The following AIDA variants were observed in gnomAD, a reference collection of about 807,000 sequenced individuals.
AIDA encodes axin interactor, dorsalization-associated protein.
Under a neutral mutation model 42.7 loss-of-function variants are expected in AIDA, and 18 were observed. That is an observed-to-expected ratio of 0.42 (90% CI 0.29 to 0.63). The LOEUF (loss-of-function observed/expected upper bound fraction) is 0.63. Among genes scored for constraint, AIDA ranks in the 20% least tolerant of loss-of-function variants. The pLI, the probability that AIDA is intolerant of heterozygous loss-of-function variation, is 0.19. For missense variants in AIDA, 250 were observed against 354.1 expected, an observed-to-expected ratio of 0.71 and a Z score of 2.36; for synonymous variants, 104 against 122.9, an observed-to-expected ratio of 0.85 and a Z score of 1.02.
At chr1:222,705,472 T>C (rs1394814165) in intron 1 of AIDA, among the ~76,000 whole-genome samples, 1 of 152,230 alleles carries the variant, frequency 6.6e-6, no homozygotes, top group East Asian at 1.9e-4. Flanking sequence ...TAATTTGCAG[T>C]GGTGGCCATC....
intron 6 of AIDA, among the ~76,000 whole-genome samples, chr1:222,681,983 T>C (rs973025264): frequency 6.6e-6 from 1 of 152,190 alleles, no homozygotes; most frequent in African/African-American, 2.4e-5. Flanking sequence ...TCTTCTCACA[T>C]TGACTAGTTC....
At chr1:222,679,880 G>A (rs910058966) in intron 6 of AIDA, among the ~76,000 whole-genome samples, 1 of 152,162 alleles carries the variant, frequency 6.6e-6, no homozygotes, top group Non-Finnish European at 1.5e-5. Flanking sequence ...GACATCTTTG[G>A]GAAGGGATGC....
chr1:222,698,661 G>A (rs1288310902), intron 2 of AIDA, among the ~76,000 whole-genome samples: 2 of 152,012 alleles, frequency 1.3e-5, no homozygotes, highest in African/African-American at 4.8e-5. Context: ...GTGTTGGGCA[G>A]GCTGGTCTCG....
At chr1:222,688,766 A>T (rs1033816105) in intron 4 of AIDA, among the ~76,000 whole-genome samples, 1 of 152,024 alleles carries the variant, frequency 6.6e-6, no homozygotes, top group Non-Finnish European at 1.5e-5. Context: ...AACCTGGCTA[A>T]TTTTTGTATT....
intron 1 of AIDA, among the ~76,000 whole-genome samples, chr1:222,705,259 A>G (rs923121098): frequency 1.3e-5 from 2 of 152,320 alleles, no homozygotes; most frequent in South Asian, 2.1e-4. Flanking sequence ...TGTGGATTCT[A>G]TACAGGAGAA....
At chr1:222,694,790 T>C (rs1018119416) in intron 2 of AIDA, among the ~76,000 whole-genome samples, 1 of 152,248 alleles carries the variant, frequency 6.6e-6, no homozygotes, top group Admixed American at 6.5e-5. Context: ...TGGATATTAA[T>C]GATAGGGCAT....
intron 1 of AIDA, among the ~76,000 whole-genome samples, chr1:222,709,788 T>C (rs1655944678): frequency 6.6e-6 from 1 of 152,246 alleles, no homozygotes. Flanking sequence ...ACCCAGTTAC[T>C]CTAAAATCTT....
intron 1 of AIDA, among the ~76,000 whole-genome samples, chr1:222,705,786 AG>A (rs1655822243): frequency 6.6e-6 from 1 of 152,128 alleles, no homozygotes; most frequent in Non-Finnish European, 1.5e-5. Flanking sequence ...GTGGAGGCTG[AG>A]GCAGGAGAAT....
At chr1:222,710,418 T>C (rs1391989032) in intron 1 of AIDA, among the ~76,000 whole-genome samples, 1 of 152,258 alleles carries the variant, frequency 6.6e-6, no homozygotes, top group Non-Finnish European at 1.5e-5. Flanking sequence ...GCTTGCATAT[T>C]CAATTTTCCT....
At chr1:222,671,061 C>T (rs1425837498) in intron 8 of AIDA, among the ~76,000 whole-genome samples, 2 of 151,522 alleles carry the variant, frequency 1.3e-5, no homozygotes. Context: ...CCCACCTCTA[C>T]AAAAAAAATT....
chr1:222,694,767 A>G (rs1655468137), intron 2 of AIDA, among the ~76,000 whole-genome samples: 1 of 152,254 alleles, frequency 6.6e-6, no homozygotes, highest in South Asian at 2.1e-4. Context: ...TTCATATAAC[A>G]TGAGCTATAA....
At chr1:222,700,519 AG>A (rs1445378080) in intron 2 of AIDA, among the ~76,000 whole-genome samples, 1 of 151,982 alleles carries the variant, frequency 6.6e-6, no homozygotes, top group Non-Finnish European at 1.5e-5. Flanking sequence ...GCACTCTGGG[AG>A]GCCCAGATGG....
intron 1 of AIDA, among the ~76,000 whole-genome samples, chr1:222,708,133 AC>A (rs1433549004): frequency 2.6e-5 from 4 of 151,756 alleles, no homozygotes; most frequent in Non-Finnish European, 4.4e-5. Flanking sequence ...ACATGGTGAA[AC>A]CCCGTCTCTA....
intron 2 of AIDA, among the ~76,000 whole-genome samples, chr1:222,700,977 G>GGA (rs1655678495): frequency 6.8e-6 from 1 of 146,210 alleles, no homozygotes; most frequent in African/African-American, 2.6e-5. Context: ...TTTTTGGGGG[G>GGA]GGGGGGACAG....
intron 2 of AIDA, among the ~76,000 whole-genome samples, chr1:222,699,280 T>C (rs2124965525): frequency 6.6e-6 from 1 of 152,320 alleles, no homozygotes; most frequent in African/African-American, 2.4e-5. Context: ...AAACAACAAT[T>C]TTGCTTAGCA....
intron 6 of AIDA, among the ~76,000 whole-genome samples, chr1:222,684,976 C>T (rs535078239): frequency 3.9e-5 from 6 of 152,228 alleles, no homozygotes; most frequent in Non-Finnish European, 7.4e-5. Context: ...TAAAAATTAT[C>T]GAGTCAGTGA....
At chr1:222,670,488 T>G (rs370103382) in intron 8 of AIDA, among the ~76,000 whole-genome samples, 2 of 152,164 alleles carry the variant, frequency 1.3e-5, no homozygotes, top group African/African-American at 4.8e-5. Context: ...ATAGCAAAAC[T>G]TCTTGAGCTA....
intron 4 of AIDA, among the ~76,000 whole-genome samples, chr1:222,690,880 A>G (rs1655351951): frequency 6.6e-6 from 1 of 152,168 alleles, no homozygotes; most frequent in African/African-American, 2.4e-5. Flanking sequence ...ATATGGATTG[A>G]GTGCCTATAA....
chr1:222,694,308 CTG>C (rs1170519430), intron 2 of AIDA, 45 bp from the exon 3 acceptor site: 2 of 1,452,688 alleles, frequency 1.4e-6, no homozygotes, highest in Admixed American at 3.9e-5. Flanking sequence ...ATTATCATAA[CTG>C]TTAGTTCAAA....
Sources: gnomAD v4.1 joint callset for allele counts (sites outside exome capture counted in the v4.1 genomes callset) on GRCh38, gnomAD v4.1.1 for gene constraint, MANE v1.5 for transcripts, NCBI Gene and HGNC (gene_info 2026-07-23, HGNC 2026-07-21) for gene names.